The following PCSK2 variants were observed in gnomAD, a reference collection of about 807,000 sequenced individuals.
PCSK2 encodes proprotein convertase subtilisin/kexin type 2, also known as neuroendocrine convertase 2.
In PCSK2, 14 loss-of-function variants were observed where a neutral mutation model predicts 69.7. That is an observed-to-expected ratio of 0.20 (90% CI 0.13 to 0.31). PCSK2 has a LOEUF of 0.31. PCSK2 is among the 10% of genes least tolerant of loss of function. PCSK2 has a pLI of 1.00. For synonymous variants in PCSK2, 307 were observed against 320.7 expected (o/e 0.96, Z 0.46); for missense variants, 544 against 842.5 (o/e 0.65, Z 4.39).
intron 10 of PCSK2, among the ~76,000 whole-genome samples, chr20:17,458,894 T>C (rs2032967673): frequency 6.6e-6 from 1 of 152,078 alleles, no homozygotes. Flanking sequence ...TCAAAGAATT[T>C]TAGTGGGGGA....
chr20:17,450,833 C>T (rs1600590506), intron 8 of PCSK2, among the ~76,000 whole-genome samples: 1 of 152,152 alleles, frequency 6.6e-6, no homozygotes, highest in East Asian at 1.9e-4. Flanking sequence ...CTAAAGGTCC[C>T]ACCTCTTAAG....
chr20:17,325,063 C>G (rs1272498725), intron 2 of PCSK2, among the ~76,000 whole-genome samples: 2 of 152,148 alleles, frequency 1.3e-5, no homozygotes, highest in Non-Finnish European at 2.9e-5. Context: ...GGAAGATTTC[C>G]TGAGACCACA....
At chr20:17,269,822 ACTATAAAAGC>A (rs1378936405) in intron 2 of PCSK2, among the ~76,000 whole-genome samples, 4 of 152,152 alleles carry the variant, frequency 2.6e-5, no homozygotes, top group Non-Finnish European at 5.9e-5. Flanking sequence ...ATTTTGAGAA[ACTATAAAAGC>A]CATGAGAAAG....
At chr20:17,308,147 A>G (rs921635133) in intron 2 of PCSK2, among the ~76,000 whole-genome samples, 3 of 151,468 alleles carry the variant, frequency 2.0e-5, no homozygotes, top group Non-Finnish European at 4.4e-5. Flanking sequence ...ACTTTTAAAC[A>G]ACGAGATCTC....
chr20:17,358,388 A>G lies in PCSK2; in HGVS notation c.344A>G (p.Asn115Ser), dbSNP rs747032764. 41 of 1,613,044 alleles carry G rather than the reference A, an allele frequency of 2.5e-5. No homozygotes were observed. Among genetic ancestry groups the G allele is most frequent in the South Asian group, 1.3e-4 (12 of 91,066 alleles). ...AAAAAGCGAGGTTACAGAGACATCAATGAGATCGACATCAACATGAACGAT... is the reference window on the plus strand; with the variant it reads ...AAAAAGCGAGGTTACAGAGACATCAGTGAGATCGACATCAACATGAACGAT... Reference protein sequence around the residue: ...DRKKRGYRDINEIDINMNDPL... With the variant: ...DRKKRGYRDISEIDINMNDPL... The change falls in exon 3 of 12, where the codon AAT (asparagine) becomes AGT (serine). Residue 115 changes from asparagine to serine, a missense_variant. Physicochemically the swap from Asn to Ser is conservative, Grantham distance 46. Transcript: ENST00000262545.
chr20:17,328,096 G>A (rs1990114561), intron 2 of PCSK2, among the ~76,000 whole-genome samples: 1 of 152,308 alleles, frequency 6.6e-6, no homozygotes, highest in East Asian at 1.9e-4. Flanking sequence ...GTAGGAAAAT[G>A]AACAAAGAGG....
intron 2 of PCSK2, among the ~76,000 whole-genome samples, chr20:17,310,278 C>T (rs1482840605): frequency 6.6e-6 from 1 of 152,078 alleles, no homozygotes; most frequent in Admixed American, 6.6e-5. Context: ...TGCAAAAGTA[C>T]ACCTCTAAAG....
intron 8 of PCSK2, among the ~76,000 whole-genome samples, chr20:17,439,883 C>A (rs1476321071): frequency 1.3e-5 from 2 of 152,306 alleles, no homozygotes; most frequent in African/African-American, 4.8e-5. Context: ...GTCTTTGTGA[C>A]ATTCTGGGCA....
At chr20:17,313,722 A>C (rs1176372752) in intron 2 of PCSK2, among the ~76,000 whole-genome samples, 1 of 152,104 alleles carries the variant, frequency 6.6e-6, no homozygotes, top group Non-Finnish European at 1.5e-5. Context: ...TATAATTTAC[A>C]AGGTTTTTCT....
chr20:17,443,901 T>C (rs1008194000), intron 8 of PCSK2, among the ~76,000 whole-genome samples: 1 of 152,248 alleles, frequency 6.6e-6, no homozygotes, highest in South Asian at 2.1e-4. Context: ...GTGAGTATGA[T>C]GAAAAATACA....
intron 2 of PCSK2, among the ~76,000 whole-genome samples, chr20:17,346,809 A>G (rs944115638): frequency 2.0e-5 from 3 of 151,484 alleles, no homozygotes; most frequent in Non-Finnish European, 4.4e-5. Context: ...TTGCCCCACC[A>G]CCCTGGAAAC....
intron 6 of PCSK2, among the ~76,000 whole-genome samples, chr20:17,423,022 G>T (rs2032165520): frequency 6.6e-6 from 1 of 152,094 alleles, no homozygotes; most frequent in South Asian, 2.1e-4. Context: ...AAAAAATAAA[G>T]AAAAACATCT....
intron 5 of PCSK2, among the ~76,000 whole-genome samples, chr20:17,396,181 T>C (rs966751207): frequency 6.6e-6 from 1 of 152,194 alleles, no homozygotes; most frequent in African/African-American, 2.4e-5. Flanking sequence ...TCTGGTTCCT[T>C]TTCCGGAGCT....
intron 2 of PCSK2, among the ~76,000 whole-genome samples, chr20:17,283,063 C>T (rs1290141035): frequency 6.6e-6 from 1 of 152,132 alleles, no homozygotes; most frequent in African/African-American, 2.4e-5. Context: ...TTGCCATGAA[C>T]ACCTTTGGTA....
intron 11 of PCSK2, among the ~76,000 whole-genome samples, chr20:17,474,223 G>C (rs907416097): frequency 6.6e-6 from 1 of 152,196 alleles, no homozygotes; most frequent in Non-Finnish European, 1.5e-5. Context: ...ATCACCCTCA[G>C]GGGCTATGGA....
intron 2 of PCSK2, among the ~76,000 whole-genome samples, chr20:17,334,053 T>A (rs747735591): frequency 1.3e-5 from 2 of 151,722 alleles, no homozygotes; most frequent in African/African-American, 4.8e-5. Flanking sequence ...TTAAATAACT[T>A]GCCCAAGTAA....
intron 2 of PCSK2, among the ~76,000 whole-genome samples, chr20:17,307,082 A>G (rs560907730): frequency 1.2e-4 from 19 of 152,334 alleles, no homozygotes; most frequent in African/African-American, 2.4e-4. Context: ...AGATTATTCA[A>G]TCTTATAGAT....
At chr20:17,266,490 T>G (rs1243776689) in intron 2 of PCSK2, among the ~76,000 whole-genome samples, 1 of 152,224 alleles carries the variant, frequency 6.6e-6, no homozygotes, top group Non-Finnish European at 1.5e-5. Flanking sequence ...TTTTCAAAGT[T>G]AATTTTAACC....
chr20:17,361,199 G>A (rs1334759663), intron 4 of PCSK2, among the ~76,000 whole-genome samples: 1 of 152,106 alleles, frequency 6.6e-6, no homozygotes, highest in Non-Finnish European at 1.5e-5. Context: ...CCATAAAACA[G>A]CTTTTCAGTA....
Sources: gnomAD v4.1 joint callset for allele counts (sites outside exome capture counted in the v4.1 genomes callset) on GRCh38, gnomAD v4.1.1 for gene constraint, MANE v1.5 for transcripts, NCBI Gene and HGNC (gene_info 2026-07-23, HGNC 2026-07-21) for gene names.